The following BST2 variants were observed in gnomAD, a reference collection of about 807,000 sequenced individuals.
BST2 encodes the protein bone marrow stromal cell antigen 2.
BST2 carries 10 observed loss-of-function variants against 18.6 expected under a neutral mutation model. The observed-to-expected ratio is 0.54, with a 90% CI of 0.33 to 0.91. The LOEUF is 0.91. Among genes scored for constraint, BST2 ranks in the 40% least tolerant of loss-of-function variants. The pLI is 0.02. For synonymous variants in BST2, 75 were observed against 96.8 expected (o/e 0.77, Z 1.32); for missense variants, 183 against 228.4 (o/e 0.80, Z 1.28).
chr19:17,405,071 A>G (rs919500593), intron 1 of BST2, among the ~76,000 whole-genome samples: 3 of 152,042 alleles, frequency 2.0e-5, no homozygotes, highest in African/African-American at 7.2e-5. Flanking sequence ...GGATCTGGAG[A>G]GTTTTAACAC....
intron 4 of BST2, 51 bp from the exon 5 acceptor site, chr19:17,403,377 G>GC: frequency 8.9e-7 from 1 of 1,117,528 alleles, no homozygotes; most frequent in African/African-American, 1.6e-5. Flanking sequence ...GCAGACACTG[G>GC]CCCCGCTCCA....
chr19:17,403,718 C>T lies in BST2; in HGVS notation c.520G>A (p.Gly174Ser). ...TCTCACTGCAGCAGAGCGCTGAGGC[C>T]CAGCAGCACAATCAGCAGCTGGGGC... ...AAPQLLIVLL[G>S]LSALLQ Residue 174 changes from glycine to serine, a missense_variant, in exon 4 of 5, where the codon GGC becomes AGC. Transcript: ENST00000252593. 1.2e-6 allele frequency: 2 copies of T among 1,613,690 alleles called. No homozygotes were observed. The highest frequency in any genetic ancestry group is 8.5e-7 in the Non-Finnish European group (1 of 1,179,950).
Position 17,405,421 on chromosome 19 carries a change from G to C in BST2, c.155C>G (p.Ala52Gly), listed in dbSNP as rs267605348. Reference sequence around the variant, plus strand: ...CACTGCCCGAAGGCCGTCCCGGCAGGCCTCGCTGTTGGCCTTGATGGTGAA... The same window carrying C: ...CACTGCCCGAAGGCCGTCCCGGCAGCCCTCGCTGTTGGCCTTGATGGTGAA... ...IIFTIKANSE[A>G]CRDGLRAVME... The change falls in exon 1 of 5, where the codon GCC (alanine) becomes GGC (glycine). Residue 52 changes from alanine to glycine, a missense_variant. Coordinates refer to ENST00000252593, the MANE Select transcript of BST2 (RefSeq NM_004335.4). 1.2e-6 allele frequency: 2 copies of C among 1,614,234 alleles called. No individual in the cohort carries two copies. Among genetic ancestry groups the C allele is most frequent in the African/African-American group, 1.3e-5 (1 of 75,068 alleles).
At position 17,405,579 on chromosome 19, in the gene BST2, G is replaced by C; in HGVS notation, c.-4C>G. ...AGTCATACGAAGTAGATGCCATCCA[G>C]ATCTCCCCTTTAGAGTCTGGCCTGG... On this transcript the variant is annotated 5_prime_UTR_variant, in exon 1 of 5. The change creates a new upstream start codon in the 5' untranslated region. Coordinates refer to ENST00000252593, the MANE Select transcript of BST2 (RefSeq NM_004335.4). 1 of 1,441,220 alleles carries C rather than the reference G, an allele frequency of 6.9e-7. No individual in the cohort carries two copies. Among genetic ancestry groups the C allele is most frequent in the Non-Finnish European group, 9.2e-7 (1 of 1,083,842 alleles). The allele number at this position is 1,441,220 out of a possible 1,614,324, so 89.3% of individuals were successfully genotyped here. A position where few individuals can be genotyped will look rare whatever the true frequency, so the allele number is the denominator to read the frequency against.
Position 17,403,734 on chromosome 19 carries a change from C to T in BST2, c.504G>A (p.Leu168=), listed in dbSNP as rs2077381807. The T allele has an allele frequency of 1.9e-6, 3 of 1,613,784 alleles. No homozygotes were observed. Among genetic ancestry groups the T allele is most frequent in the Admixed American group, 1.7e-5 (1 of 59,948 alleles). ...QDSSSAAAPQ[L]LIVLLGLSAL... is the part of the protein sequence containing the mutation. Reference sequence around the variant, plus strand: ...CGCTGAGGCCCAGCAGCACAATCAGCAGCTGGGGCGCCGCAGCGGAGCTGG... The same window carrying T: ...CGCTGAGGCCCAGCAGCACAATCAGTAGCTGGGGCGCCGCAGCGGAGCTGG... The change falls in exon 4 of 5, where the codon CTG becomes CTA. Residue 168 remains leucine, a synonymous_variant. Coordinates refer to ENST00000252593, the MANE Select transcript of BST2 (RefSeq NM_004335.4).
At position 17,404,117 on chromosome 19, in the gene BST2, G is replaced by C. The variant is rs2074712161; in HGVS notation, c.413+12C>G. 1.3e-6 allele frequency: 2 copies of C among 1,577,670 alleles called. No individual in the cohort carries two copies. Among genetic ancestry groups the C allele is most frequent in the Admixed American group, 3.7e-5 (2 of 54,628 alleles). ...GGCAGGTGGAGGGTAGCGGGGGAAGGCTATCTCTGACCTCAGTCGCTCCAC... is the reference window on the plus strand; with the variant it reads ...GGCAGGTGGAGGGTAGCGGGGGAAGCCTATCTCTGACCTCAGTCGCTCCAC... On this transcript the variant is annotated intron_variant, in intron 3 of 4. Coordinates refer to ENST00000252593, the MANE Select transcript of BST2 (RefSeq NM_004335.4).
In BST2 at chr19:17,403,125, G is replaced by A; in HGVS notation, c.*217C>T. 2.0e-6 allele frequency: 2 copies of A among 985,714 alleles called. No individual in the cohort carries two copies. Among genetic ancestry groups the A allele is most frequent in the South Asian group, 9.4e-5 (2 of 21,336 alleles). The allele number at this position is 985,714 out of a possible 1,614,324, so 61.1% of individuals were successfully genotyped here. ...TCATTGTCCGGAGGGAGGCTCTGGA[G>A]GGAGACAGCCCTGGGTCAACCCGAC... On this transcript the variant is annotated 3_prime_UTR_variant, in exon 5 of 5. Transcript: ENST00000252593.
At chr19:17,404,063 G>T in intron 3 of BST2, 66 bp downstream of exon 3, 1 of 1,497,586 alleles carries the variant, frequency 6.7e-7, no homozygotes, top group East Asian at 2.4e-5. Context: ...CTGGGTCTTG[G>T]GCTAGGGATG....
In BST2 at chr19:17,403,242, G is replaced by GT. The variant is rs112207449; in HGVS notation, c.*99dup. ...ACCCCGTGCTCTCCCCGCTAACCGT[G>GT]TTGCCCCATGACCCGCTCAGAACTG... On this transcript the variant is annotated 3_prime_UTR_variant, in exon 5 of 5. Transcript: ENST00000252593. 3,621 of 1,001,558 alleles carry GT rather than the reference G, an allele frequency of 3.6e-3. 49 individuals carry two copies. The highest frequency in any genetic ancestry group is 0.031 in the African/African-American group (1,792 of 57,406). 62.0% of individuals were successfully genotyped at this position (1,001,558 alleles called of 1,614,324 possible).
At chr19:17,403,852 C>T (rs375576857) in intron 3 of BST2, 28 bp from the exon 4 acceptor site, 2 of 1,603,932 alleles carry the variant, frequency 1.2e-6, no homozygotes, top group African/African-American at 1.3e-5. Flanking sequence ...AATCAGGCAT[C>T]TGCTCGTCCT....
chr19:17,404,555 T>C lies in BST2; in HGVS notation c.286-118A>G, dbSNP rs1258165240. The C allele has an allele frequency of 2.7e-6, 4 of 1,481,246 alleles. No homozygotes were observed. In the East Asian group the frequency reaches 9.1e-5, roughly 34 times the overall value. The allele number at this position is 1,481,246 out of a possible 1,614,324, so 91.8% of individuals were successfully genotyped here. A position where few individuals can be genotyped will look rare whatever the true frequency, so the allele number is the denominator to read the frequency against. ...GGCTTAAATGCAAACCCCTTTCAGG[T>C]TTTCTTCCAACCCTCTCTGCACCAT... On this transcript the variant is annotated intron_variant, in intron 1 of 4. Transcript: ENST00000252593.
At chr19:17,404,232 T>G in intron 2 of BST2, 43 bp from the exon 3 acceptor site, 1 of 1,578,594 alleles carries the variant, frequency 6.3e-7, no homozygotes, top group South Asian at 1.1e-5. Context: ...GGTCAGCATG[T>G]GGCCATGCTG....
rs1568385068 is a variant in BST2, at chr19:17,404,398, C to G, written c.325G>C (p.Gly109Arg). 1.8e-5 allele frequency: 29 copies of G among 1,613,884 alleles called. No individual in the cohort carries two copies. Among genetic ancestry groups the G allele is most frequent in the Non-Finnish European group, 2.5e-5 (29 of 1,179,912 alleles). ...MASLDAEKAQ[G>R]QKKVEELEGE... ...TCAAGCTCCTCCACTTTCTTTTGTC[C>G]TTGGGCCTTCTCTGCATCCAGGGAA... Residue 109 changes from glycine (G) to arginine (R), a missense_variant, in exon 2 of 5, where the codon GGA becomes CGA. Coordinates refer to ENST00000252593, the MANE Select transcript of BST2 (RefSeq NM_004335.4).
At chr19:17,403,934 C>A (rs539435716) in intron 3 of BST2, 110 bp from the exon 4 acceptor site, 2 of 1,456,576 alleles carry the variant, frequency 1.4e-6, no homozygotes, top group South Asian at 1.3e-5. Context: ...TCCAAGTCAC[C>A]GGGGAGGGAA....
In BST2 at chr19:17,403,265, C is replaced by T; in HGVS notation, c.*77G>A. 1 of 1,040,228 alleles carries T rather than the reference C, an allele frequency of 9.6e-7. No homozygotes were observed. Among genetic ancestry groups the T allele is most frequent in the Non-Finnish European group, 1.2e-6 (1 of 861,436 alleles). 64.4% of individuals were successfully genotyped at this position (1,040,228 alleles called of 1,614,324 possible). On this transcript the variant is annotated 3_prime_UTR_variant, in exon 5 of 5. Transcript: ENST00000252593. ...GTGTTGCCCCATGACCCGCTCAGAACTGATGAGATCAAGGGAATGTTCAAG... is the reference window on the plus strand; with the variant it reads ...GTGTTGCCCCATGACCCGCTCAGAATTGATGAGATCAAGGGAATGTTCAAG...
rs1392232476 is a variant in BST2, at chr19:17,403,836, A to ATGG, written c.414-15_414-13dup. 7.3e-7 allele frequency: 1 copy of ATGG among 1,374,714 alleles called. No homozygotes were observed. The highest frequency in any genetic ancestry group is 9.6e-7 in the Non-Finnish European group (1 of 1,042,380). 85.2% of individuals were successfully genotyped at this position (1,374,714 alleles called of 1,614,324 possible). ...CCTGGTTTTCTCTTCTGCGGTACAG[A>ATGG]TGGCAAATCAGGCATCTGCTCGTCC... is the stretch of plus-strand genomic sequence containing the variant. On this transcript the variant is annotated splice_polypyrimidine_tract_variant and intron_variant, in intron 3 of 4. Transcript: ENST00000252593.
chr19:17,405,142 C>A lies in BST2; in HGVS notation c.285+149G>T. 8 of 1,063,606 alleles carry A rather than the reference C, an allele frequency of 7.5e-6. No individual in the cohort carries two copies. The East Asian group carries it at 1.6e-4, about 21-fold the overall frequency. 65.9% of individuals were successfully genotyped at this position (1,063,606 alleles called of 1,614,324 possible). On this transcript the variant is annotated intron_variant, in intron 1 of 4. Transcript: ENST00000252593. ...GGCCCACAAACCCTGGTAGGGGAACCTAGGTCCCTTGATGTGGGGGCCCAG... is the reference window on the plus strand; with the variant it reads ...GGCCCACAAACCCTGGTAGGGGAACATAGGTCCCTTGATGTGGGGGCCCAG...
chr19:17,404,175 A>G lies in BST2; in HGVS notation c.367T>C (p.Leu123=), dbSNP rs150805489. The change falls in exon 3 of 5, where the codon TTA becomes CTA. Residue 123 remains leucine, a synonymous_variant. Transcript: ENST00000252593. Reference sequence around the variant, plus strand: ...GACGCGTCCTGAAGCTTATGGTTTAATGTAGTGATCTCTCCTGGTAGGGTG... The same window carrying G: ...GACGCGTCCTGAAGCTTATGGTTTAGTGTAGTGATCTCTCCTGGTAGGGTG... ...VEELEGEITT[L]NHKLQDASAE... is the part of the protein sequence containing the mutation. The G allele has an allele frequency of 2.6e-5, 41 of 1,602,352 alleles. No homozygotes were observed. In the Middle Eastern group the frequency reaches 5.0e-4, roughly 19 times the overall value.
At chr19:17,404,713 G>C (rs763730665) in intron 1 of BST2, among the ~76,000 whole-genome samples, 5 of 152,160 alleles carry the variant, frequency 3.3e-5, no homozygotes, top group Non-Finnish European at 5.9e-5. Flanking sequence ...CCAAAGTTTA[G>C]TGGACATTTC....
Sources: gnomAD v4.1 joint callset for allele counts (sites outside exome capture counted in the v4.1 genomes callset) on GRCh38, gnomAD v4.1.1 for gene constraint, MANE v1.5 for transcripts, NCBI Gene and HGNC (gene_info 2026-07-23, HGNC 2026-07-21) for gene names.